The following ZP2 variants were observed in gnomAD, a reference collection of about 807,000 sequenced individuals.
ZP2 encodes the protein zona pellucida sperm-binding protein 2.
A neutral mutation model predicts 84.0 loss-of-function variants in ZP2; 51 were observed. The ratio of observed to expected loss-of-function variants is 0.61; its 90% CI spans 0.49 to 0.77. The LOEUF (loss-of-function observed/expected upper bound fraction) is 0.77. ZP2 is among the 30% of genes least tolerant of loss of function. The pLI is 0.00. For missense variants in ZP2, 909 were observed against 911.9 expected (o/e 1.00, Z 0.04); for synonymous variants, 375 against 330.9 (o/e 1.13, Z -1.45).
chr16:21,210,268 T>A, intron 2 of ZP2, 76 bp from the exon 3 acceptor site: 1 of 1,164,338 alleles, frequency 8.6e-7, no homozygotes, highest in Non-Finnish European at 1.3e-6. Flanking sequence ...TAGACTCCTC[T>A]CAGATGGGAG....
Position 21,201,963 on chromosome 16 carries a change from G to A in ZP2, c.1348C>T (p.Pro450Ser). Reference protein sequence around the residue: ...EIHALWTDFPPSKISRDSEFR... With the variant: ...EIHALWTDFPSSKISRDSEFR... ...TCACTGTCTCTAGATATTTTGCTTG[G>A]AGGAAAATCCGTCCAGAGAGCATGT... The change falls in exon 12 of 19, where the codon CCA becomes TCA. Residue 450 changes from proline to serine, a missense_variant. Coordinates refer to ENST00000574091, the MANE Select transcript of ZP2 (RefSeq NM_001376232.1). 6.2e-7 allele frequency: 1 copy of A among 1,614,012 alleles called. No individual in the cohort carries two copies. The highest frequency in any genetic ancestry group is 8.5e-7 in the Non-Finnish European group (1 of 1,179,966).
chr16:21,203,149 G>A lies in ZP2; in HGVS notation c.1075C>T (p.Leu359Phe). 6.2e-7 allele frequency: 1 copy of A among 1,613,682 alleles called. No homozygotes were observed. The highest frequency in any genetic ancestry group is 8.5e-7 in the Non-Finnish European group (1 of 1,179,794). Residue 359 changes from leucine to phenylalanine, a missense_variant, in exon 10 of 19, where the codon CTC becomes TTC. By Grantham distance (22) the Leu-to-Phe change is conservative (BLOSUM62 0). Transcript: ENST00000574091. Reference protein sequence around the residue: ...TVSMVIYPECLCESPVSIVTG... With the variant: ...TVSMVIYPECFCESPVSIVTG... ...CCTATAGAAACGGGTGACTCACAGA[G>A]ACACTCAGGATAGATCACCATGGAT...
chr16:21,199,745 G>A lies in ZP2; in HGVS notation c.1828C>T (p.Leu610=). ...CTGGTGACTTCTGAATCACTTACCA[G>A]GCTAGAGAGCACGTGGGCTTCTGAT... ...FVSEAHVLSS[L]VYFHCSALIC... The change falls in exon 15 of 19, where the codon CTG becomes TTG. Residue 610 remains leucine, a splice_region_variant and synonymous_variant. Coordinates refer to ENST00000574091, the MANE Select transcript of ZP2 (RefSeq NM_001376232.1). 6 of 1,613,990 alleles carry A rather than the reference G, an allele frequency of 3.7e-6. No homozygotes were observed. The highest frequency in any genetic ancestry group is 5.1e-6 in the Non-Finnish European group (6 of 1,179,914).
At chr16:21,210,219 G>A in intron 2 of ZP2, 27 bp from the exon 3 acceptor site, 3 of 1,588,340 alleles carry the variant, frequency 1.9e-6, no homozygotes, top group Non-Finnish European at 2.6e-6. Flanking sequence ...GCATTTGGGG[G>A]CTTTGAGTCA....
chr16:21,212,361 T>A (rs573196968), upstream of ZP2, among the ~76,000 whole-genome samples: 8 of 152,318 alleles, frequency 5.3e-5, no homozygotes, highest in South Asian at 1.4e-3. Flanking sequence ...ACCGCAAAGA[T>A]ACAATTTCAG....
At position 21,199,839 on chromosome 16, in the gene ZP2, A is replaced by G. The variant is rs778599637; in HGVS notation, c.1734T>C (p.His578=). The G allele has an allele frequency of 1.9e-6, 3 of 1,613,016 alleles. No homozygotes were observed. The highest frequency in any genetic ancestry group is 2.7e-5 in the African/African-American group (2 of 74,890). Residue 578 remains histidine, a synonymous_variant, in exon 15 of 19, where the codon CAT becomes CAC. Transcript: ENST00000574091. ...GATGGGTCACAGAGGAGCCGACTGG[A>G]TGGAAGGTGGTCTGGTAGTTGTCCA... ...YDLDNYQTTF[H]PVGSSVTHPD... is the part of the protein sequence containing the mutation.
intron 2 of ZP2, 95 bp from the exon 3 acceptor site, chr16:21,210,287 G>A (rs2093268865): frequency 1.0e-6 from 1 of 969,440 alleles, no homozygotes; most frequent in Non-Finnish European, 1.7e-6. Flanking sequence ...AGGGATTCCA[G>A]ATGAGGGAGG....
At position 21,197,893 on chromosome 16, in the gene ZP2, C is replaced by T. The variant is rs775038491; in HGVS notation, c.2012-44G>A. 31 of 1,589,192 alleles carry T rather than the reference C, an allele frequency of 2.0e-5. No individual in the cohort carries two copies. The African/African-American group carries it at 2.6e-4, about 13-fold the overall frequency. ...TTTAGTACAACATCTTCATGCTAGTCGATGTGGTTAGCTGTCCCCTGAGGG... is the reference window on the plus strand; with the variant it reads ...TTTAGTACAACATCTTCATGCTAGTTGATGTGGTTAGCTGTCCCCTGAGGG... On this transcript the variant is annotated intron_variant, in intron 17 of 18. Transcript: ENST00000574091.
In ZP2 at chr16:21,211,514, G is replaced by A. The variant is rs564432034; in HGVS notation, c.34C>T (p.Pro12Ser). ...ACRQRGGSWSPSGWFNAGWST... is the reference protein window; with the variant it reads ...ACRQRGGSWSSSGWFNAGWST... ...CAGCCTGCATTGAACCAGCCTGAGG[G>A]ACTCCAAGAGCCTCCTCTCTGCCTG... is the stretch of plus-strand genomic sequence containing the variant. The change falls in exon 1 of 19, where the codon CCC becomes TCC. Residue 12 changes from proline to serine, a missense_variant. By Grantham distance (74) the Pro-to-Ser change is moderately conservative. Transcript: ENST00000574091. 50 of 1,614,152 alleles carry A rather than the reference G, an allele frequency of 3.1e-5. No homozygotes were observed. The South Asian group carries it at 4.2e-4, about 13-fold the overall frequency.
At chr16:21,206,804 C>T in intron 5 of ZP2, 34 bp downstream of exon 5, 1 of 1,613,554 alleles carries the variant, frequency 6.2e-7, no homozygotes, top group East Asian at 2.2e-5. Flanking sequence ...CTGCAGTAGC[C>T]ATATACCCCG....
At position 21,204,084 on chromosome 16, in the gene ZP2, T is replaced by C; in HGVS notation, c.918A>G (p.Leu306=). The C allele has an allele frequency of 1.9e-6, 3 of 1,614,178 alleles. No homozygotes were observed. The highest frequency in any genetic ancestry group is 2.7e-5 in the African/African-American group (2 of 75,066). ...GCAATTTCATGCCATTTGTTGCTTC[T>C]AGATCAATTCCATTGTCATGCAGCT... The part of the protein sequence containing the change: ...VSQLHDNGID[L]EATNGMKLHF... Residue 306 remains leucine (L), a synonymous_variant, in exon 9 of 19, where the codon CTA becomes CTG. Transcript: ENST00000574091.
At chr16:21,206,225 G>A (rs1259066834) in intron 5 of ZP2, among the ~76,000 whole-genome samples, 2 of 152,262 alleles carry the variant, frequency 1.3e-5, no homozygotes, top group East Asian at 3.9e-4. Flanking sequence ...TCAAACTCCT[G>A]ACCTCAGGTG....
chr16:21,209,795 C>G (rs2152856586), intron 3 of ZP2, 70 bp from the exon 4 acceptor site: 2 of 1,346,188 alleles, frequency 1.5e-6, no homozygotes, highest in South Asian at 2.4e-5. Flanking sequence ...GCTATAGAGT[C>G]AAGACCACCA....
intron 3 of ZP2, 41 bp from the exon 4 acceptor site, chr16:21,209,766 A>G (rs771801304): frequency 4.4e-6 from 7 of 1,573,338 alleles, no homozygotes; most frequent in South Asian, 1.1e-5. Flanking sequence ...GGCTGAGTAC[A>G]TTTCAGTGAC....
At chr16:21,204,464 A>C (rs2093240699) in intron 7 of ZP2, 60 bp from the exon 8 acceptor site, 2 of 1,395,336 alleles carry the variant, frequency 1.4e-6, no homozygotes, top group Non-Finnish European at 2.0e-6. Context: ...TCTAACCAGT[A>C]AGAATCATCT....
chr16:21,211,592 C>T (rs1337831663), upstream of ZP2: 1 of 1,613,470 alleles, frequency 6.2e-7, no homozygotes, highest in African/African-American at 1.3e-5. Flanking sequence ...GTAGGCTGCT[C>T]TGTGTTTTTA....
rs749744086 is a variant in ZP2 at position 21,201,716 on chromosome 16, T to C, written c.1494A>G (p.Gln498=). 3.1e-6 allele frequency: 5 copies of C among 1,614,082 alleles called. No individual in the cohort carries two copies. The highest frequency in any genetic ancestry group is 2.2e-5 in the East Asian group (1 of 44,888). The part of the protein sequence containing the change: ...VKLGPFTLIL[Q]SYPDNSYQQP... ...ACTGCAATCTCTTACCTGGGTAGCT[T>C]TGCAGGATCAAGGTAAATGGACCCA... The change falls in exon 13 of 19, where the codon CAA becomes CAG. Residue 498 remains glutamine (Q), a synonymous_variant. Transcript: ENST00000574091.
In ZP2 at chr16:21,197,540, C is replaced by G; in HGVS notation, c.2178G>C (p.Val726=). The change falls in exon 19 of 19, where the codon GTG becomes GTC. Residue 726 remains valine, a synonymous_variant. Coordinates refer to ENST00000574091, the MANE Select transcript of ZP2 (RefSeq NM_001376232.1). ...AGTAGATGAAGCCTAGAGTTGCCAC[C>G]ACACCTGCAAAGGCAGCCACAGCAG... The part of the protein sequence containing the change: ...AVAAVAAFAG[V]VATLGFIYYL... The G allele has an allele frequency of 6.2e-7, 1 of 1,614,174 alleles. No homozygotes were observed. The highest frequency in any genetic ancestry group is 8.5e-7 in the Non-Finnish European group (1 of 1,180,032).
At chr16:21,214,227 C>T, upstream of ZP2, 4 of 985,192 alleles carry the variant, frequency 4.1e-6, no homozygotes, top group Non-Finnish European at 4.8e-6. Context: ...TTTGTCTCAC[C>T]TAACCCAGAC....
Sources: allele counts gnomAD v4.1 joint callset (sites outside exome capture counted in the v4.1 genomes callset), GRCh38; gene constraint gnomAD v4.1.1; transcripts MANE v1.5; gene names NCBI Gene and HGNC (gene_info 2026-07-23, HGNC 2026-07-21).